The following CBLN1 variants were observed in gnomAD, a reference collection of about 807,000 sequenced individuals.
CBLN1 encodes the protein cerebellin-1.
A neutral mutation model predicts 15.9 loss-of-function variants in CBLN1; 5 were observed. That is an observed-to-expected ratio of 0.31 (90% CI 0.16 to 0.66). The LOEUF is 0.66. Among genes scored for constraint, CBLN1 ranks in the 30% least tolerant of loss-of-function variants. The pLI is 0.75. For synonymous variants in CBLN1, 90 were observed against 107.6 expected, an observed-to-expected ratio of 0.84 and a Z score of 1.01; for missense variants, 164 against 253.7, an observed-to-expected ratio of 0.65 and a Z score of 2.40.
At position 49,281,684 on chromosome 16, in the gene CBLN1, C is replaced by T. The variant is rs1340000979; in HGVS notation, c.-219G>A. On this transcript the variant is annotated 5_prime_UTR_variant, in exon 1 of 3. It removes the in-frame stop codon of an upstream open reading frame in the 5' UTR. Transcript: ENST00000219197. ...TGTTCCCGGAGCCCCTCCCGGGCCTCAGGGGTGCCGCGGCTGCCCAGCCGC... is the reference window on the plus strand; with the variant it reads ...TGTTCCCGGAGCCCCTCCCGGGCCTTAGGGGTGCCGCGGCTGCCCAGCCGC... 2.6e-6 allele frequency: 1 copy of T among 389,422 alleles called. No homozygotes were observed. Among genetic ancestry groups the T allele is most frequent in the African/African-American group, 2.1e-5 (1 of 47,512 alleles). The allele number at this position is 389,422 out of a possible 1,614,324, so 24.1% of individuals were successfully genotyped here.
In CBLN1 at chr16:49,281,143, T is replaced by C. The variant is rs780954789; in HGVS notation, c.264+59A>G. 2.7e-5 allele frequency: 44 copies of C among 1,613,896 alleles called. No individual in the cohort carries two copies. The Middle Eastern group carries it at 2.1e-3, about 78-fold the overall frequency. The stretch of plus-strand genomic sequence containing the variant: ...CTTGGAGAGGACCGGGCATCGGTCT[T>C]CCATCCATCCCTCCTTCACCAGCCC... On this transcript the variant is annotated intron_variant, in intron 1 of 2. Coordinates refer to ENST00000219197, the MANE Select transcript of CBLN1 (RefSeq NM_004352.4).
chr16:49,279,067 T>G lies in CBLN1; in HGVS notation c.*337A>C. 1 of 314,862 alleles carries G rather than the reference T, an allele frequency of 3.2e-6. No homozygotes were observed. Among genetic ancestry groups the G allele is most frequent in the Non-Finnish European group, 5.8e-6 (1 of 171,388 alleles). 19.5% of individuals were successfully genotyped at this position (314,862 alleles called of 1,614,324 possible). On this transcript the variant is annotated 3_prime_UTR_variant, in exon 3 of 3. Transcript: ENST00000219197. Reference sequence around the variant, plus strand: ...AAAGATTTCAGATTATGTAGTGAAATACAAAGTTTCTTTAAATAAATTGCA... The same window carrying G: ...AAAGATTTCAGATTATGTAGTGAAAGACAAAGTTTCTTTAAATAAATTGCA...
At chr16:49,280,049 C>T (rs1963242955) in intron 2 of CBLN1, among the ~76,000 whole-genome samples, 1 of 152,144 alleles carries the variant, frequency 6.6e-6, no homozygotes, top group African/African-American at 2.4e-5. Flanking sequence ...AACGAACAAA[C>T]AAAAAGCCCC....
Position 49,280,912 on chromosome 16 carries a change from CG to C in CBLN1, c.384+10del, listed in dbSNP as rs757040561. ...TACGGGGCCAGGGCCCGGCACGAGG[CG>C]TCGGCTGACCTGTATGGTTTGTCTG... On this transcript the variant is annotated intron_variant, in intron 2 of 2. Transcript: ENST00000219197. 1.9e-6 allele frequency: 3 copies of C among 1,614,202 alleles called. No individual in the cohort carries two copies. The highest frequency in any genetic ancestry group is 2.5e-6 in the Non-Finnish European group (3 of 1,180,018).
chr16:49,280,804 C>A, intron 2 of CBLN1, 119 bp downstream of exon 2: 1 of 1,128,416 alleles, frequency 8.9e-7, no homozygotes. Flanking sequence ...TCTGTCCCTC[C>A]AAGCAGCCCG....
At chr16:49,280,883 C>A in intron 2 of CBLN1, 40 bp downstream of exon 2, 1 of 1,613,682 alleles carries the variant, frequency 6.2e-7, no homozygotes. Context: ...GCCAGTAACC[C>A]CCCTACGGGG....
At chr16:49,280,361 G>A (rs939697670) in intron 2 of CBLN1, among the ~76,000 whole-genome samples, 2 of 152,198 alleles carry the variant, frequency 1.3e-5, no homozygotes, top group Non-Finnish European at 2.9e-5. Flanking sequence ...GGAGCCGGGA[G>A]AGAGTAGCAC....
In CBLN1 at chr16:49,281,723, G is replaced by A. The variant is rs1241388181; in HGVS notation, c.-258C>T. 35 of 368,740 alleles carry A rather than the reference G, an allele frequency of 9.5e-5. No individual in the cohort carries two copies. The highest frequency in any genetic ancestry group is 1.5e-4 in the Non-Finnish European group (32 of 208,682). 22.8% of individuals were successfully genotyped at this position (368,740 alleles called of 1,614,324 possible). On this transcript the variant is annotated 5_prime_UTR_variant, in exon 1 of 3. Coordinates refer to ENST00000219197, the MANE Select transcript of CBLN1 (RefSeq NM_004352.4). ...CTGCCCAGCCGCACTTGGATGCATA[G>A]CCGCTGCTGCTCGGTCCCGCTGCTG...
rs200416120 is a variant in CBLN1, at chr16:49,279,490, G to C, written c.496C>G (p.Arg166Gly). ...GVLIQMEKGD[R>G]AYLKLERGNL... Reference sequence around the variant, plus strand: ...CCCCGCTCCAGCTTGAGGTATGCTCGGTCGCCTTTCTCCATTTGGATTAGG... The same window carrying C: ...CCCCGCTCCAGCTTGAGGTATGCTCCGTCGCCTTTCTCCATTTGGATTAGG... The change falls in exon 3 of 3, where the codon CGA (arginine) becomes GGA (glycine). Residue 166 changes from arginine (R) to glycine (G), a missense_variant. By Grantham distance (125) the Arg-to-Gly change is moderately radical. Transcript: ENST00000219197. 1 of 1,614,190 alleles carries C rather than the reference G, an allele frequency of 6.2e-7. No individual in the cohort carries two copies. The highest frequency in any genetic ancestry group is 8.5e-7 in the Non-Finnish European group (1 of 1,180,044).
intron 2 of CBLN1, 56 bp from the exon 3 acceptor site, chr16:49,279,657 C>A: frequency 3.1e-6 from 4 of 1,310,438 alleles, no homozygotes; most frequent in Non-Finnish European, 4.1e-6. Context: ...ACCGAAGCCG[C>A]GGTGGAGCGA....
In CBLN1 at chr16:49,281,732, G is replaced by T. The variant is rs918545395; in HGVS notation, c.-267C>A. 7.0e-5 allele frequency: 25 copies of T among 354,934 alleles called. No individual in the cohort carries two copies. The highest frequency in any genetic ancestry group is 1.1e-4 in the Non-Finnish European group (22 of 200,028). The allele number at this position is 354,934 out of a possible 1,614,324, so 22.0% of individuals were successfully genotyped here. A position where few individuals can be genotyped will look rare whatever the true frequency, so the allele number is the denominator to read the frequency against. Reference sequence around the variant, plus strand: ...CGCACTTGGATGCATAGCCGCTGCTGCTCGGTCCCGCTGCTGCCGCCGCCT... The same window carrying T: ...CGCACTTGGATGCATAGCCGCTGCTTCTCGGTCCCGCTGCTGCCGCCGCCT... On this transcript the variant is annotated 5_prime_UTR_variant, in exon 1 of 3. Transcript: ENST00000219197.
rs1249042734 is a variant in CBLN1, at chr16:49,281,231, T to C, written c.235A>G (p.Asn79Asp). The C allele has an allele frequency of 1.2e-6, 2 of 1,614,026 alleles. No individual in the cohort carries two copies. The highest frequency in any genetic ancestry group is 1.7e-6 in the Non-Finnish European group (2 of 1,180,050). ...STNHEPSEMS[N>D]RTMIIYFDQV... ...TCGAAGTAGATGATCATGGTGCGAT[T>C]ACTCATCTCGGACGGCTCGTGGTTG... Residue 79 changes from asparagine (N) to aspartate (D), a missense_variant, in exon 1 of 3, where the codon AAT becomes GAT. Asn to Asp is a conservative substitution (Grantham distance 23, BLOSUM62 1). Around this residue, in one of 3 missense-constraint regions of CBLN1, gnomAD observed 127 missense variants for 179.7 expected, o/e 0.71. Transcript: ENST00000219197.
intron 1 of CBLN1, 29 bp from the exon 2 acceptor site, chr16:49,281,071 G>A (rs1201689362): frequency 1.2e-6 from 2 of 1,614,228 alleles, no homozygotes; most frequent in Non-Finnish European, 1.7e-6. Flanking sequence ...GAAGGGGAGT[G>A]GGCAGGAATC....
chr16:49,281,806 ATGCAGCCGGCGC>A lies in CBLN1; in HGVS notation c.-353_-342del, dbSNP rs1169259700. On this transcript the variant is annotated 5_prime_UTR_variant, in exon 1 of 3. Coordinates refer to ENST00000219197, the MANE Select transcript of CBLN1 (RefSeq NM_004352.4). Reference sequence around the variant, plus strand: ...CCGCCGCCGCCGCTCTGAATTATTGATGCAGCCGGCGCTGCAGCCGGAGCGGGCGGAGAGCGC... The same window carrying A: ...CCGCCGCCGCCGCTCTGAATTATTGATGCAGCCGGAGCGGGCGGAGAGCGC... 1 of 219,588 alleles carries A rather than the reference ATGCAGCCGGCGC, an allele frequency of 4.6e-6. No individual in the cohort carries two copies. Among genetic ancestry groups the A allele is most frequent in the African/African-American group, 2.3e-5 (1 of 43,066 alleles). 13.6% of individuals were successfully genotyped at this position (219,588 alleles called of 1,614,324 possible). A position where few individuals can be genotyped will look rare whatever the true frequency, so the allele number is the denominator to read the frequency against.
Position 49,281,625 on chromosome 16 carries a change from C to T in CBLN1, c.-160G>A, listed in dbSNP as rs970809582. On this transcript the variant is annotated 5_prime_UTR_variant, in exon 1 of 3. Coordinates refer to ENST00000219197, the MANE Select transcript of CBLN1 (RefSeq NM_004352.4). ...CCTCTTCCTCGCACTCCGGGACTAG[C>T]GTCCCCTCCGCGACTAGCGTCCCCT... 4.6e-6 allele frequency: 2 copies of T among 432,410 alleles called. No homozygotes were observed. Among genetic ancestry groups the T allele is most frequent in the South Asian group, 8.8e-5 (1 of 11,316 alleles). 26.8% of individuals were successfully genotyped at this position (432,410 alleles called of 1,614,324 possible).
chr16:49,279,199 A>G lies in CBLN1; in HGVS notation c.*205T>C. ...TTTATTTTTGGAAATGGGAGTGCGC[A>G]GAGCTAAGCGAAATTTATTTCTCCT... On this transcript the variant is annotated 3_prime_UTR_variant, in exon 3 of 3. Coordinates refer to ENST00000219197, the MANE Select transcript of CBLN1 (RefSeq NM_004352.4). 2 of 590,420 alleles carry G rather than the reference A, an allele frequency of 3.4e-6. No homozygotes were observed. The highest frequency in any genetic ancestry group is 6.0e-6 in the Non-Finnish European group (2 of 333,456). The allele number at this position is 590,420 out of a possible 1,614,324, so 36.6% of individuals were successfully genotyped here. A position where few individuals can be genotyped will look rare whatever the true frequency, so the allele number is the denominator to read the frequency against.
chr16:49,279,368 C>T lies in CBLN1; in HGVS notation c.*36G>A. ...TCTTTCTCACTCCCCTTCCTGCCTT[C>T]GCCCTCTCCCTGCCTCCCTTCCGGC... On this transcript the variant is annotated 3_prime_UTR_variant, in exon 3 of 3. Transcript: ENST00000219197. The T allele has an allele frequency of 6.3e-7, 1 of 1,597,588 alleles. No individual in the cohort carries two copies. Among genetic ancestry groups the T allele is most frequent in the Admixed American group, 1.7e-5 (1 of 59,974 alleles).
rs199747906 is a variant in CBLN1 at position 49,281,012 on chromosome 16, A to T, written c.295T>A (p.Ser99Thr). The T allele has an allele frequency of 2.8e-4, 460 of 1,614,090 alleles. No individual in the cohort carries two copies. The highest frequency in any genetic ancestry group is 3.6e-4 in the Non-Finnish European group (425 of 1,180,048). ...GGGGCGATGAAAGTGCTGCGTTCTG[A>T]ATCAAAGTTGTTCCCAATGTTCACT... is the stretch of plus-strand genomic sequence containing the variant. ...VLVNIGNNFD[S>T]ERSTFIAPRK... Residue 99 changes from serine to threonine, a missense_variant, in exon 2 of 3, where the codon TCA (serine) becomes ACA (threonine). By Grantham distance (58) the Ser-to-Thr change is moderately conservative (BLOSUM62 1). Transcript: ENST00000219197.
rs955738560 is a variant in CBLN1, at chr16:49,279,021, G to A, written c.*383C>T. ...TATATCAGATTTCAGTAGGCAGAAGGATTCAGAGGGGGCTAGGGAGAAAGA... is the reference window on the plus strand; with the variant it reads ...TATATCAGATTTCAGTAGGCAGAAGAATTCAGAGGGGGCTAGGGAGAAAGA... On this transcript the variant is annotated 3_prime_UTR_variant, in exon 3 of 3. Transcript: ENST00000219197. 1 of 198,140 alleles carries A rather than the reference G, an allele frequency of 5.0e-6. No individual in the cohort carries two copies. Among genetic ancestry groups the A allele is most frequent in the African/African-American group, 2.3e-5 (1 of 42,592 alleles). 12.3% of individuals were successfully genotyped at this position (198,140 alleles called of 1,614,324 possible).
Sources: allele counts gnomAD v4.1 joint callset (sites outside exome capture counted in the v4.1 genomes callset), GRCh38; gene constraint gnomAD v4.1.1; regional missense constraint gnomAD v4.1.1; transcripts MANE v1.5; gene names NCBI Gene and HGNC (gene_info 2026-07-23, HGNC 2026-07-21).